The following NRG3 variants were observed in gnomAD, a reference collection of about 807,000 sequenced individuals.
NRG3 encodes neuregulin 3.
In NRG3, 31 loss-of-function variants were observed where a neutral mutation model predicts 66.9. The observed-to-expected ratio is 0.46, with a 90% CI of 0.35 to 0.63. NRG3 has a LOEUF of 0.63. NRG3 is among the 20% of genes least tolerant of loss of function. NRG3 has a pLI of 0.00. For synonymous variants in NRG3, 393 were observed against 359.4 expected (o/e 1.09, Z -1.06); for missense variants, 910 against 878.9 (o/e 1.04, Z -0.45).
intron 1 of NRG3, among the ~76,000 whole-genome samples, chr10:82,187,214 G>C (rs60942322): frequency 1.1e-4 from 16 of 152,228 alleles, no homozygotes; most frequent in Admixed American, 3.9e-4. Flanking sequence ...ATGTGGACTA[G>C]AATATTACTG....
intron 1 of NRG3, among the ~76,000 whole-genome samples, chr10:82,239,658 T>C (rs948469149): frequency 4.6e-5 from 7 of 152,190 alleles, no homozygotes; most frequent in Admixed American, 1.3e-4. Flanking sequence ...CTATGACTTT[T>C]TTTGCTTATT....
chr10:81,900,161 C>G (rs746364605), intron 1 of NRG3, among the ~76,000 whole-genome samples: 16 of 152,070 alleles, frequency 1.1e-4, no homozygotes, highest in Admixed American at 7.9e-4. Context: ...GTTGTCCAGG[C>G]TGGTCTCCAA....
intron 1 of NRG3, among the ~76,000 whole-genome samples, chr10:82,250,737 G>A (rs910379688): frequency 6.6e-6 from 1 of 152,160 alleles, no homozygotes; most frequent in African/African-American, 2.4e-5. Context: ...TCACATAGCA[G>A]TGATCATTTA....
At chr10:82,053,265 T>A (rs1393064699) in intron 1 of NRG3, among the ~76,000 whole-genome samples, 1 of 152,140 alleles carries the variant, frequency 6.6e-6, no homozygotes, top group Non-Finnish European at 1.5e-5. Flanking sequence ...AGTTTGGTTC[T>A]CATTCATATA....
At chr10:82,418,454 A>G (rs192957054) in intron 2 of NRG3, among the ~76,000 whole-genome samples, 1 of 152,378 alleles carries the variant, frequency 6.6e-6, no homozygotes, top group African/African-American at 2.4e-5. Context: ...CAGTTTATGC[A>G]AATGAAAAGA....
intron 1 of NRG3, among the ~76,000 whole-genome samples, chr10:81,983,478 G>T (rs944375344): frequency 1.3e-5 from 2 of 152,078 alleles, no homozygotes; most frequent in African/African-American, 4.8e-5. Context: ...CTTTTGGAAT[G>T]TATTTTTGTG....
At chr10:82,865,335 A>G in intron 3 of NRG3, 76 bp from the exon 4 acceptor site, 1 of 1,498,376 alleles carries the variant, frequency 6.7e-7, no homozygotes, top group Non-Finnish European at 9.2e-7. Flanking sequence ...ATGAGCACTG[A>G]TTTCCATGTA....
intron 2 of NRG3, among the ~76,000 whole-genome samples, chr10:82,699,560 T>A (rs529537813): frequency 3.3e-5 from 5 of 152,228 alleles, no homozygotes; most frequent in African/African-American, 4.8e-5. Context: ...TTCTTTTTTT[T>A]TATACTTGAA....
intron 1 of NRG3, among the ~76,000 whole-genome samples, chr10:81,960,935 CCTT>C (rs1319548781): frequency 1.3e-5 from 2 of 152,100 alleles, no homozygotes; most frequent in South Asian, 2.1e-4. Flanking sequence ...TTGTTCTAAT[CCTT>C]CTTCTCTGCA....
chr10:82,585,612 AT>A (rs1271048134), intron 2 of NRG3, among the ~76,000 whole-genome samples: 2 of 152,178 alleles, frequency 1.3e-5, no homozygotes, highest in Non-Finnish European at 2.9e-5. Context: ...TTAAATAGCC[AT>A]TGCTGTACCA....
At chr10:82,240,468 A>G (rs932901512) in intron 1 of NRG3, among the ~76,000 whole-genome samples, 6 of 152,174 alleles carry the variant, frequency 3.9e-5, no homozygotes, top group Admixed American at 1.3e-4. Context: ...GAAGAATGGA[A>G]TTTTTGAAGT....
chr10:82,295,379 T>G (rs1252483052), intron 1 of NRG3, among the ~76,000 whole-genome samples: 1 of 152,148 alleles, frequency 6.6e-6, no homozygotes, highest in Non-Finnish European at 1.5e-5. Flanking sequence ...TGTAGTGGAA[T>G]GAACAATGAG....
intron 2 of NRG3, among the ~76,000 whole-genome samples, chr10:82,364,082 T>C (rs888556867): frequency 4.5e-4 from 69 of 152,190 alleles, no homozygotes; most frequent in Admixed American, 4.5e-3. Flanking sequence ...ATTACACATA[T>C]ATTTCATTTA....
intron 2 of NRG3, among the ~76,000 whole-genome samples, chr10:82,389,561 G>C (rs769794804): frequency 3.3e-5 from 5 of 151,968 alleles, no homozygotes; most frequent in Non-Finnish European, 7.4e-5. Context: ...TTAACAGGAA[G>C]AAAAAAATAC....
intron 1 of NRG3, among the ~76,000 whole-genome samples, chr10:82,030,860 T>C (rs968977584): frequency 6.6e-6 from 1 of 152,024 alleles, no homozygotes; most frequent in African/African-American, 2.4e-5. Flanking sequence ...CTCAATTCAC[T>C]AGGAATGGGG....
At chr10:82,766,687 C>G (rs2059525554) in intron 3 of NRG3, among the ~76,000 whole-genome samples, 2 of 151,970 alleles carry the variant, frequency 1.3e-5, no homozygotes, top group Admixed American at 1.3e-4. Flanking sequence ...AATAAATCTT[C>G]TACATCAAGT....
At chr10:82,287,244 CT>C (rs1029550386) in intron 1 of NRG3, among the ~76,000 whole-genome samples, 34 of 151,886 alleles carry the variant, frequency 2.2e-4, no homozygotes, top group African/African-American at 8.2e-4. Context: ...CTCATGGGAT[CT>C]GGATGTTTAA....
At position 82,334,151 on chromosome 10, in the gene NRG3, A is replaced by AAAAAG. The variant is rs534456377; in HGVS notation, c.824-24578_824-24574dup. Among the ~76,000 whole-genome samples the AAAAAG allele has an allele frequency of 3.7e-3, 542 of 144,552 alleles. 11 individuals are homozygous for AAAAAG. The highest frequency in any genetic ancestry group is 5.2e-3 in the East Asian group (25 of 4,800). The allele number at this position is 144,552 out of a possible 152,430, so 94.8% of individuals were successfully genotyped here. A position where few individuals can be genotyped will look rare whatever the true frequency, so the allele number is the denominator to read the frequency against. On this transcript the variant is annotated intron_variant, in intron 1 of 8. Transcript: ENST00000372141. ...CATGGCGTCTCAAAAAAAAAAAAAA[A>AAAAAG]AAAAGAAAAGAAAAAGGGATGGGCC...
intron 2 of NRG3, among the ~76,000 whole-genome samples, chr10:82,607,945 C>G (rs1565121512): frequency 3.9e-5 from 6 of 152,070 alleles, no homozygotes; most frequent in Non-Finnish European, 5.9e-5. Flanking sequence ...TGACCAAATA[C>G]TTTGCCATTA....
Sources: allele counts gnomAD v4.1 joint callset (sites outside exome capture counted in the v4.1 genomes callset), GRCh38; gene constraint gnomAD v4.1.1; transcripts MANE v1.5; gene names NCBI Gene and HGNC (gene_info 2026-07-23, HGNC 2026-07-21).